Variants in PCDH15 observed in about 807,000 individuals in gnomAD.
PCDH15 encodes protocadherin related 15.
PCDH15 carries 129 observed loss-of-function variants against 178.5 expected under a neutral mutation model. The ratio of observed to expected loss-of-function variants is 0.72; its 90% confidence interval spans 0.63 to 0.84. PCDH15 has a LOEUF of 0.84. Ranked by LOEUF, PCDH15 falls within the 40% of genes least tolerant of loss-of-function variation. PCDH15 has a pLI of 0.00. For synonymous variants in PCDH15, 800 were observed against 732.0 expected (o/e 1.09, Z -1.50); for missense variants, 2,230 against 2,099.9 (o/e 1.06, Z -1.21).
intron 5 of PCDH15, among the ~76,000 whole-genome samples, chr10:54,350,772 A>G (rs1435520914): frequency 1.3e-5 from 2 of 151,980 alleles, no homozygotes; most frequent in Non-Finnish European, 1.5e-5. Flanking sequence ...TGCTGCTTCA[A>G]GTCTGAGAGT....
intron 3 of PCDH15, among the ~76,000 whole-genome samples, chr10:54,398,153 G>C (rs1804895561): frequency 6.6e-6 from 1 of 151,436 alleles, no homozygotes; most frequent in African/African-American, 2.4e-5. Flanking sequence ...ATTTTTGCCT[G>C]TCTTTAAGAT....
intron 2 of PCDH15, among the ~76,000 whole-genome samples, chr10:55,582,618 A>ATG (rs1182758362): frequency 3.4e-5 from 3 of 88,176 alleles, no homozygotes; most frequent in African/African-American, 1.7e-4. Flanking sequence ...ATATATATAT[A>ATG]TATATATATA....
intron 3 of PCDH15, among the ~76,000 whole-genome samples, chr10:54,840,629 A>G (rs1224362679): frequency 6.6e-6 from 1 of 151,856 alleles, no homozygotes; most frequent in African/African-American, 2.4e-5. Context: ...TTTCTAACGA[A>G]AAAGTAAAGA....
chr10:55,613,114 A>C (rs1487966150), intron 2 of PCDH15, among the ~76,000 whole-genome samples: 2 of 140,478 alleles, frequency 1.4e-5, no homozygotes, highest in African/African-American at 5.4e-5. Flanking sequence ...AGCTCTCCCC[A>C]GATCTTAATT....
intron 9 of PCDH15, among the ~76,000 whole-genome samples, chr10:54,227,363 C>T (rs1344346054): frequency 1.3e-5 from 2 of 152,232 alleles, no homozygotes; most frequent in African/African-American, 4.8e-5. Flanking sequence ...GGGGCTTACA[C>T]CCTCTGAAGC....
chr10:54,347,593 G>T (rs1943508295), intron 5 of PCDH15, among the ~76,000 whole-genome samples: 1 of 152,036 alleles, frequency 6.6e-6, no homozygotes, highest in Non-Finnish European at 1.5e-5. Flanking sequence ...TTTACTTTCA[G>T]AAACTGAAAA....
chr10:54,289,437 G>A (rs1235734365), intron 8 of PCDH15, among the ~76,000 whole-genome samples: 2 of 152,200 alleles, frequency 1.3e-5, no homozygotes, highest in African/African-American at 4.8e-5. Context: ...CGAAGATGGG[G>A]AGAAAACAGA....
intron 2 of PCDH15, among the ~76,000 whole-genome samples, chr10:55,129,807 T>G (rs1307443732): frequency 6.6e-6 from 1 of 152,140 alleles, no homozygotes; most frequent in Non-Finnish European, 1.5e-5. Context: ...AATACAAAAA[T>G]GGATAAAACA....
intron 27 of PCDH15, among the ~76,000 whole-genome samples, chr10:53,860,724 C>CAAAA (rs11345773): frequency 1.3e-5 from 1 of 78,074 alleles, no homozygotes; most frequent in Non-Finnish European, 2.4e-5. Context: ...GACTCTGTCT[C>CAAAA]AAAAAAAAAA....
chr10:54,544,579 T>G (rs142778366), intron 2 of PCDH15, among the ~76,000 whole-genome samples: 1 of 152,124 alleles, frequency 6.6e-6, no homozygotes, highest in African/African-American at 2.4e-5. Flanking sequence ...CATATTTAAT[T>G]TAATTGTGTT....
chr10:54,715,403 G>A (rs575795473), intron 1 of PCDH15, among the ~76,000 whole-genome samples: 1 of 152,060 alleles, frequency 6.6e-6, no homozygotes, highest in East Asian at 1.9e-4. Flanking sequence ...CGGGTTAGAG[G>A]CTGTTAGCAT....
chr10:54,466,081 G>T (rs1276041313), intron 3 of PCDH15, among the ~76,000 whole-genome samples: 1 of 151,840 alleles, frequency 6.6e-6, no homozygotes, highest in African/African-American at 2.4e-5. Flanking sequence ...AATGTGTTGA[G>T]ATCCTTGTAT....
intron 1 of PCDH15, among the ~76,000 whole-genome samples, chr10:55,223,717 C>T (rs1004121452): frequency 2.0e-5 from 3 of 149,728 alleles, no homozygotes; most frequent in Admixed American, 2.0e-4. Context: ...CACTATGAAG[C>T]CATAAATGTG....
At chr10:54,484,126 C>T (rs1476185856) in intron 3 of PCDH15, among the ~76,000 whole-genome samples, 1 of 151,772 alleles carries the variant, frequency 6.6e-6, no homozygotes, top group African/African-American at 2.4e-5. Flanking sequence ...GCAATGGAAC[C>T]CAACGAGTGA....
chr10:54,319,842 T>C (rs1179806071), intron 7 of PCDH15, among the ~76,000 whole-genome samples: 1 of 152,004 alleles, frequency 6.6e-6, no homozygotes, highest in Non-Finnish European at 1.5e-5. Context: ...GTTAAGCTCA[T>C]TCCCAGTCTG....
intron 2 of PCDH15, among the ~76,000 whole-genome samples, chr10:54,899,652 A>G (rs1564614917): frequency 6.6e-6 from 1 of 151,928 alleles, no homozygotes; most frequent in South Asian, 2.1e-4. Flanking sequence ...GCCCACCACC[A>G]GGCCTGGCTA....
intron 1 of PCDH15, among the ~76,000 whole-genome samples, chr10:55,317,719 G>GAA (rs201320789): frequency 4.3e-5 from 6 of 138,976 alleles, no homozygotes; most frequent in African/African-American, 1.6e-4. Flanking sequence ...GCTTAAAACA[G>GAA]AAAAAAAAAA....
In PCDH15 at chr10:53,840,476, T is replaced by C; in HGVS notation, c.3827A>G (p.Gln1276Arg). The part of the protein sequence containing the change: ...DLTEILDRYV[Q>R]EQIPGAKVVV... ...GACCTTGGCACCAGGAATTTGTTCC[T>C]GAACATAGCGATCCAAGATCCTATA... The change falls in exon 29 of 38, where the codon CAG becomes CGG. Residue 1276 changes from glutamine to arginine, a missense_variant. Physicochemically the swap from Gln to Arg is conservative, Grantham distance 43. Transcript: ENST00000644397. 1 of 1,614,056 alleles carries C rather than the reference T, an allele frequency of 6.2e-7. No individual in the cohort carries two copies. Among genetic ancestry groups the C allele is most frequent in the Non-Finnish European group, 8.5e-7 (1 of 1,179,940 alleles).
intron 2 of PCDH15, among the ~76,000 whole-genome samples, chr10:54,617,559 TAAGA>T (rs1434732943): frequency 6.6e-6 from 1 of 151,834 alleles, no homozygotes; most frequent in East Asian, 1.9e-4. Context: ...AAAATGAAAC[TAAGA>T]AAGTTACAGC....
Sources: allele counts gnomAD v4.1 joint callset (sites outside exome capture counted in the v4.1 genomes callset), GRCh38; gene constraint gnomAD v4.1.1; transcripts MANE v1.5; gene names NCBI Gene and HGNC (gene_info 2026-07-23, HGNC 2026-07-21).